The following DZIP1 variants were observed in gnomAD, a reference collection of about 807,000 sequenced individuals.
DZIP1 encodes DAZ interacting zinc finger protein 1, also known as cilium assembly protein DZIP1.
A neutral mutation model predicts 107.6 loss-of-function variants in DZIP1; 97 were observed. The observed-to-expected ratio is 0.90, with a 90% CI of 0.77 to 1.07. The LOEUF is 1.07. Ranked by LOEUF, DZIP1 falls within the 50% of genes least tolerant of loss-of-function variation. DZIP1 has a pLI of 0.00. For missense variants in DZIP1, 1,035 were observed against 1,063.6 expected, an observed-to-expected ratio of 0.97 and a Z score of 0.37; for synonymous variants, 390 against 386.4, an observed-to-expected ratio of 1.01 and a Z score of -0.11.
intron 7 of DZIP1, among the ~76,000 whole-genome samples, chr13:95,627,595 C>T (rs1876695452): frequency 6.6e-6 from 1 of 152,168 alleles, no homozygotes; most frequent in African/African-American, 2.4e-5. Context: ...TACCACTTCC[C>T]ACCCACCCAA....
intron 5 of DZIP1, among the ~76,000 whole-genome samples, chr13:95,639,078 C>G (rs1437955345): frequency 6.6e-6 from 1 of 152,132 alleles, no homozygotes; most frequent in Admixed American, 6.5e-5. Flanking sequence ...ACATGCCAAG[C>G]ACTGCTCTAA....
intron 5 of DZIP1, among the ~76,000 whole-genome samples, chr13:95,639,104 T>G (rs999094756): frequency 1.3e-5 from 2 of 152,208 alleles, no homozygotes; most frequent in East Asian, 1.9e-4. Context: ...GTCTATGCAC[T>G]AAGTCATTCA....
At chr13:95,629,947 C>G (rs1566422913) in intron 7 of DZIP1, 42 bp downstream of exon 7, 2 of 1,552,702 alleles carry the variant, frequency 1.3e-6, no homozygotes, top group Non-Finnish European at 1.7e-6. Flanking sequence ...GAATTACATA[C>G]AGTTAATTGT....
Position 95,642,077 on chromosome 13 carries a change from G to T in DZIP1, c.-48C>A. The T allele has an allele frequency of 1.3e-6, 2 of 1,487,738 alleles. No homozygotes were observed. The highest frequency in any genetic ancestry group is 1.8e-6 in the Non-Finnish European group (2 of 1,128,714). 92.2% of individuals were successfully genotyped at this position (1,487,738 alleles called of 1,614,324 possible). On this transcript the variant is annotated 5_prime_UTR_variant, in exon 4 of 23. Transcript: ENST00000376829. ...CCCAGCCTGGGCCGCCTCCCGGGCCGCCGCCGCCACAGCCCTCAGGAGCGG... is the reference window on the plus strand; with the variant it reads ...CCCAGCCTGGGCCGCCTCCCGGGCCTCCGCCGCCACAGCCCTCAGGAGCGG...
chr13:95,620,985 A>G (rs1199154632), intron 9 of DZIP1, among the ~76,000 whole-genome samples: 1 of 152,190 alleles, frequency 6.6e-6, no homozygotes, highest in Non-Finnish European at 1.5e-5. Context: ...AGGCTAAAAG[A>G]AGATAAAAAG....
chr13:95,624,667 G>A, intron 8 of DZIP1, 101 bp downstream of exon 8: 2 of 1,029,284 alleles, frequency 1.9e-6, no homozygotes, highest in South Asian at 1.5e-5. Context: ...TCTGCACGAG[G>A]GTAACATAAA....
Position 95,611,600 on chromosome 13 carries a change from T to C in DZIP1, c.1315-107A>G, listed in dbSNP as rs1214995214. On this transcript the variant is annotated intron_variant, in intron 11 of 22. Transcript: ENST00000376829. The stretch of plus-strand genomic sequence containing the variant: ...TTAGTAAATTAACCTTTTCACTAAA[T>C]TATCCAGGGACATAGGGCATGTGGT... The C allele has an allele frequency of 2.3e-5, 22 of 958,084 alleles. No homozygotes were observed. The Middle Eastern group carries it at 1.2e-3, about 52-fold the overall frequency. The allele number at this position is 958,084 out of a possible 1,614,324, so 59.3% of individuals were successfully genotyped here.
intron 16 of DZIP1, among the ~76,000 whole-genome samples, chr13:95,592,836 A>G (rs984380979): frequency 1.3e-5 from 2 of 152,246 alleles, no homozygotes; most frequent in Non-Finnish European, 2.9e-5. Context: ...TGAATCATAT[A>G]GATAAAATCA....
chr13:95,582,350 A>G (rs1480499558), intron 22 of DZIP1, 37 bp from the exon 23 acceptor site: 1 of 1,527,804 alleles, frequency 6.5e-7, no homozygotes, highest in Admixed American at 1.7e-5. Flanking sequence ...AGAAGGCCTC[A>G]ATGGTTAAAC....
At chr13:95,623,622 T>A (rs1010477092) in intron 8 of DZIP1, among the ~76,000 whole-genome samples, 11 of 152,266 alleles carry the variant, frequency 7.2e-5, no homozygotes, top group African/African-American at 2.6e-4. Flanking sequence ...CACAAAATAG[T>A]CTTCTTTTTT....
intron 6 of DZIP1, chr13:95,630,960 T>C: frequency 3.3e-6 from 1 of 299,108 alleles, no homozygotes; most frequent in Non-Finnish European, 6.6e-6. Context: ...TTCCAAAATA[T>C]TGCTAAATTT....
In DZIP1 at chr13:95,594,023, T is replaced by A; in HGVS notation, c.1601A>T (p.Asn534Ile). The change falls in exon 16 of 23, where the codon AAC (asparagine) becomes ATC (isoleucine). Residue 534 changes from asparagine to isoleucine, a missense_variant. By Grantham distance (149) the Asn-to-Ile change is moderately radical. Coordinates refer to ENST00000376829, the MANE Select transcript of DZIP1 (RefSeq NM_198968.4). Reference sequence around the variant, plus strand: ...TCTTAGTCCCTTAGTGAGGGAGGAGTTACTCTTCAAAGCTTTCCTTAAATG... The same window carrying A: ...TCTTAGTCCCTTAGTGAGGGAGGAGATACTCTTCAAAGCTTTCCTTAAATG... Reference protein sequence around the residue: ...KMHLRKALKSNSSLTKGLRTM... With the variant: ...KMHLRKALKSISSLTKGLRTM... 1 of 1,611,246 alleles carries A rather than the reference T, an allele frequency of 6.2e-7. No homozygotes were observed.
At chr13:95,614,121 G>A (rs1445912261) in intron 10 of DZIP1, among the ~76,000 whole-genome samples, 3 of 77,782 alleles carry the variant, frequency 3.9e-5, no homozygotes, top group Non-Finnish European at 7.3e-5. Flanking sequence ...GTAAGACCCT[G>A]TCTCAAAAAA....
chr13:95,628,192 G>A (rs1307355202), intron 7 of DZIP1, among the ~76,000 whole-genome samples: 3 of 152,082 alleles, frequency 2.0e-5, no homozygotes, highest in African/African-American at 4.8e-5. Flanking sequence ...ACAAGCGCAT[G>A]CCACCACACT....
intron 19 of DZIP1, among the ~76,000 whole-genome samples, chr13:95,588,688 G>T (rs2044230041): frequency 6.6e-6 from 1 of 152,164 alleles, no homozygotes; most frequent in African/African-American, 2.4e-5. Context: ...TAGCACACAG[G>T]TGATGAACAA....
At position 95,578,789 on chromosome 13, in the gene DZIP1, A is replaced by C. The variant is rs2138701066; in HGVS notation, c.*3445T>G. On this transcript the variant is annotated 3_prime_UTR_variant, in exon 23 of 23. Coordinates refer to ENST00000376829, the MANE Select transcript of DZIP1 (RefSeq NM_198968.4). ...ATAAACGATGCTGTGATGAAGACTCATGTACATATTTAGCAAATTTTGGTT... is the reference window on the plus strand; with the variant it reads ...ATAAACGATGCTGTGATGAAGACTCCTGTACATATTTAGCAAATTTTGGTT... 1 of 152,336 alleles carries C rather than the reference A, an allele frequency of 6.6e-6. No individual in the cohort carries two copies. Among genetic ancestry groups the C allele is most frequent in the Non-Finnish European group, 1.5e-5 (1 of 68,028 alleles). 9.4% of individuals were successfully genotyped at this position (152,336 alleles called of 1,614,324 possible).
intron 13 of DZIP1, among the ~76,000 whole-genome samples, chr13:95,606,622 T>G (rs1339751024): frequency 6.6e-6 from 1 of 152,244 alleles, no homozygotes; most frequent in Non-Finnish European, 1.5e-5. Flanking sequence ...ACTGACCACA[T>G]TTTATTTACC....
rs1335844121 is a variant in DZIP1, at chr13:95,594,066, A to G, written c.1558T>C (p.Leu520=). 1.9e-6 allele frequency: 3 copies of G among 1,602,504 alleles called. No individual in the cohort carries two copies. In the African/African-American group the frequency reaches 4.0e-5, roughly 22 times the overall value. ...EEKGRENEQK[L]NNNKMHLRKA... is the part of the protein sequence containing the mutation. ...CTTAAATGCATTTTGTTGTTATTTA[A>G]TTTCTGTTCATTTTCCCTTCCTGAA... The change falls in exon 16 of 23, where the codon TTA becomes CTA. Residue 520 remains leucine (L), a synonymous_variant. Transcript: ENST00000376829.
At chr13:95,605,879 G>T in intron 14 of DZIP1, 124 bp downstream of exon 14, 1 of 941,644 alleles carries the variant, frequency 1.1e-6, no homozygotes, top group Non-Finnish European at 1.6e-6. Flanking sequence ...TAACTGTTTT[G>T]CAATCACTAA....
Sources: gnomAD v4.1 joint callset for allele counts (sites outside exome capture counted in the v4.1 genomes callset) on GRCh38, gnomAD v4.1.1 for gene constraint, MANE v1.5 for transcripts, NCBI Gene and HGNC (gene_info 2026-07-23, HGNC 2026-07-21) for gene names.